Variants in ALS2 observed in about 807,000 individuals in gnomAD.
ALS2 encodes the protein alsin.
In ALS2, 117 loss-of-function variants were observed where a neutral mutation model predicts 203.4. The observed-to-expected ratio is 0.58, with a 90% confidence interval of 0.50 to 0.67. The LOEUF is 0.67. Among genes scored for constraint, ALS2 ranks in the 30% least tolerant of loss-of-function variants. The pLI is 0.00. For synonymous variants in ALS2, 718 were observed against 725.9 expected (o/e 0.99, Z 0.17); for missense variants, 1,715 against 1,989.4 (o/e 0.86, Z 2.62).
At chr2:201,745,670 C>T (rs76068933) in intron 9 of ALS2, among the ~76,000 whole-genome samples, 2,996 of 152,124 alleles carry the variant, frequency 0.02, 41 homozygotes, top group Non-Finnish European at 0.028. Flanking sequence ...AAATTAAGGC[C>T]AAACAAGGTG....
intron 1 of ALS2, among the ~76,000 whole-genome samples, chr2:201,769,375 A>G (rs1338569813): frequency 1.3e-5 from 2 of 152,190 alleles, no homozygotes; most frequent in African/African-American, 4.8e-5. Context: ...CTCTTCAGTA[A>G]TGTATCTGAT....
At chr2:201,723,510 A>G in intron 21 of ALS2, 69 bp from the exon 22 acceptor site, 3 of 1,321,808 alleles carry the variant, frequency 2.3e-6, no homozygotes, top group Non-Finnish European at 3.3e-6. Flanking sequence ...GACAATTATC[A>G]CATGGGAGAT....
In ALS2 at chr2:201,733,403, T is replaced by C. The variant is rs763906908; in HGVS notation, c.2453A>G (p.Asp818Gly). Residue 818 changes from aspartate (D) to glycine (G), a missense_variant, in exon 13 of 34, where the codon GAT becomes GGT. Physicochemically the swap from Asp to Gly is moderately conservative, Grantham distance 94. Coordinates refer to ENST00000264276, the MANE Select transcript of ALS2 (RefSeq NM_020919.4). The part of the protein sequence containing the change: ...FLNKNQELLQ[D>G]LSEVNDENTQ... ...GTTTTCGTCATTCACTTCTGACAAA[T>C]CTTGCAACAGCTCTTGGTTTTTATT... The C allele has an allele frequency of 6.2e-7, 1 of 1,613,772 alleles. No individual in the cohort carries two copies. The highest frequency in any genetic ancestry group is 1.1e-5 in the South Asian group (1 of 91,076).
intron 13 of ALS2, among the ~76,000 whole-genome samples, chr2:201,731,611 A>G (rs1691559162): frequency 6.6e-6 from 1 of 152,222 alleles, no homozygotes; most frequent in South Asian, 2.1e-4. Flanking sequence ...ATATGGAGAC[A>G]TTTAAAAAAA....
intron 11 of ALS2, 46 bp downstream of exon 11, chr2:201,741,628 G>C (rs1437809738): frequency 6.3e-7 from 1 of 1,586,222 alleles, no homozygotes; most frequent in East Asian, 2.2e-5. Flanking sequence ...CTCCTTGGCA[G>C]AATAACCCTG....
intron 28 of ALS2, among the ~76,000 whole-genome samples, 178 bp from the exon 29 acceptor site, chr2:201,707,200 T>C (rs944230320): frequency 1.3e-5 from 2 of 152,342 alleles, no homozygotes; most frequent in Middle Eastern, 3.4e-3. Flanking sequence ...TCTATAATTT[T>C]GTCTTAGAGG....
chr2:201,721,435 T>C (rs549488289), intron 23 of ALS2, among the ~76,000 whole-genome samples: 7 of 152,304 alleles, frequency 4.6e-5, no homozygotes, highest in African/African-American at 1.4e-4. Context: ...GTAATCTAGA[T>C]GGTGTGGTAT....
chr2:201,763,274 C>T (rs528275757), intron 3 of ALS2: 6 of 180,792 alleles, frequency 3.3e-5, no homozygotes, highest in East Asian at 1.4e-4. Flanking sequence ...TGTGCTGGTG[C>T]GCCTCATCCC....
chr2:201,729,050 A>T lies in ALS2; in HGVS notation c.2712+2T>A, dbSNP rs1490236621. 1 of 1,614,032 alleles carries T rather than the reference A, an allele frequency of 6.2e-7. No homozygotes were observed. Among genetic ancestry groups the T allele is most frequent in the East Asian group, 2.2e-5 (1 of 44,888 alleles). On this transcript the variant is annotated splice_donor_variant, in intron 14 of 33. Coordinates refer to ENST00000264276, the MANE Select transcript of ALS2 (RefSeq NM_020919.4). LOFTEE classifies it high-confidence loss of function. Reference sequence around the variant, plus strand: ...TAACAAATGACAACTGGCATGGCTTACCGTCATTTTTCCGGGGAAGGTCTT... The same window carrying T: ...TAACAAATGACAACTGGCATGGCTTTCCGTCATTTTTCCGGGGAAGGTCTT...
intron 12 of ALS2, 36 bp downstream of exon 12, chr2:201,738,634 G>A: frequency 1.3e-6 from 2 of 1,590,046 alleles, no homozygotes; most frequent in Non-Finnish European, 1.7e-6. Context: ...ATCTTTGGCG[G>A]AGAGAATGAT....
At chr2:201,722,167 A>C (rs1271989498) in intron 23 of ALS2, 2 of 152,218 alleles carry the variant, frequency 1.3e-5, no homozygotes, top group Non-Finnish European at 2.9e-5. Context: ...GTACAAACAA[A>C]ATTTTAGAAA....
chr2:201,730,886 A>G (rs1478651808), intron 13 of ALS2, among the ~76,000 whole-genome samples: 1 of 152,256 alleles, frequency 6.6e-6, no homozygotes, highest in African/African-American at 2.4e-5. Flanking sequence ...AGGAGCCAGC[A>G]GTTTTACCCA....
chr2:201,745,878 G>C (rs1032315289), intron 9 of ALS2, among the ~76,000 whole-genome samples: 1 of 152,196 alleles, frequency 6.6e-6, no homozygotes, highest in African/African-American at 2.4e-5. Flanking sequence ...GAACCCAGGA[G>C]GCAGAGGTTG....
chr2:201,732,529 C>T (rs1210086184), intron 13 of ALS2, among the ~76,000 whole-genome samples: 1 of 152,028 alleles, frequency 6.6e-6, no homozygotes, highest in East Asian at 1.9e-4. Flanking sequence ...GATTGCGCCA[C>T]TGCACTCCAG....
At chr2:201,756,066 A>T (rs923243157) in intron 5 of ALS2, among the ~76,000 whole-genome samples, 1 of 152,180 alleles carries the variant, frequency 6.6e-6, no homozygotes, top group Non-Finnish European at 1.5e-5. Context: ...AGTACATGTA[A>T]AATTTTTCGA....
chr2:201,724,264 A>G (rs761451954), intron 21 of ALS2, 31 bp downstream of exon 21: 9 of 1,601,660 alleles, frequency 5.6e-6, no homozygotes, highest in African/African-American at 1.3e-5. Context: ...TCATTGGCTT[A>G]AACTGTGGGA....
chr2:201,762,159 G>A (rs1016578682), intron 3 of ALS2, among the ~76,000 whole-genome samples: 2 of 151,904 alleles, frequency 1.3e-5, no homozygotes, highest in Non-Finnish European at 2.9e-5. Context: ...AGTGTTCAAA[G>A]GCAAAATAAA....
Position 201,757,591 on chromosome 2 carries a change from T to C in ALS2, c.1282A>G (p.Thr428Ala), listed in dbSNP as rs1037426685. 1.2e-6 allele frequency: 2 copies of C among 1,613,946 alleles called. No individual in the cohort carries two copies. The highest frequency in any genetic ancestry group is 1.7e-6 in the Non-Finnish European group (2 of 1,179,996). The change falls in exon 5 of 34, where the codon ACC becomes GCC. Residue 428 changes from threonine to alanine, a missense_variant. This residue lies in a region of ALS2 where 476 missense variants were observed against 539.3 expected (regional missense o/e 0.88). Transcript: ENST00000264276. Reference protein sequence around the residue: ...LKKVMNFYSTTPCETGAQAGS... With the variant: ...LKKVMNFYSTAPCETGAQAGS... ...GCCTGAGCTCCAGTTTCACAAGGGG[T>C]TGTACTATAAAAGTTCATAACTTTC... is the stretch of plus-strand genomic sequence containing the variant.
At chr2:201,721,589 G>GAC (rs1358522036) in intron 23 of ALS2, among the ~76,000 whole-genome samples, 3 of 152,164 alleles carry the variant, frequency 2.0e-5, no homozygotes, top group Non-Finnish European at 4.4e-5. Context: ...GATTAGTTTG[G>GAC]ACACATAACT....
Sources: allele counts gnomAD v4.1 joint callset (sites outside exome capture counted in the v4.1 genomes callset), GRCh38; gene constraint gnomAD v4.1.1; regional missense constraint gnomAD v4.1.1; transcripts MANE v1.5; gene names NCBI Gene and HGNC (gene_info 2026-07-23, HGNC 2026-07-21).